Variants in EYA3 observed in about 807,000 individuals in gnomAD.
The protein encoded by EYA3 is EYA transcriptional coactivator and phosphatase 3.
Under a neutral mutation model 80.0 loss-of-function variants are expected in EYA3, and 39 were observed. That is an observed-to-expected ratio of 0.49 (90% CI 0.38 to 0.64). The LOEUF (loss-of-function observed/expected upper bound fraction) is 0.64. Ranked by LOEUF, EYA3 falls within the 30% of genes least tolerant of loss-of-function variation. The pLI is 0.00. For synonymous variants in EYA3, 206 were observed against 232.8 expected, an observed-to-expected ratio of 0.88 and a Z score of 1.05; for missense variants, 523 against 676.1, an observed-to-expected ratio of 0.77 and a Z score of 2.51.
chr1:28,067,468 T>C (rs967986784), intron 1 of EYA3, among the ~76,000 whole-genome samples: 10 of 152,200 alleles, frequency 6.6e-5, no homozygotes, highest in Non-Finnish European at 1.3e-4. Context: ...TAAATGCTTA[T>C]ATAAAAAATG....
At chr1:27,985,475 C>T (rs914079609) in intron 16 of EYA3, among the ~76,000 whole-genome samples, 2 of 152,156 alleles carry the variant, frequency 1.3e-5, no homozygotes, top group African/African-American at 4.8e-5. Context: ...CCTCCTGCCT[C>T]ACAGGTCAAT....
At position 27,972,154 on chromosome 1, in the gene EYA3, A is replaced by G. The variant is rs1190808588; in HGVS notation, c.*2312T>C. 1.3e-5 allele frequency: 2 copies of G among 152,252 alleles called. No homozygotes were observed. The highest frequency in any genetic ancestry group is 1.5e-5 in the Non-Finnish European group (1 of 68,068). 9.4% of individuals were successfully genotyped at this position (152,252 alleles called of 1,614,324 possible). A position where few individuals can be genotyped will look rare whatever the true frequency, so the allele number is the denominator to read the frequency against. On this transcript the variant is annotated 3_prime_UTR_variant, in exon 18 of 18. Coordinates refer to ENST00000373871, the MANE Select transcript of EYA3 (RefSeq NM_001990.4). ...ACCACTCCGCAGCCTCACAAACCTG[A>G]AGCGCAGCACAACAGCCGTGGCCTT...
At position 28,013,113 on chromosome 1, in the gene EYA3, G is replaced by C; in HGVS notation, c.767C>G (p.Ser256Cys). The C allele has an allele frequency of 6.2e-7, 1 of 1,611,498 alleles. No individual in the cohort carries two copies. Among genetic ancestry groups the C allele is most frequent in the Non-Finnish European group, 8.5e-7 (1 of 1,179,270 alleles). The change falls in exon 9 of 18, where the codon TCT becomes TGT. Residue 256 changes from serine to cysteine, a missense_variant and splice_region_variant. Ser to Cys is a moderately radical substitution (Grantham distance 112). Transcript: ENST00000373871. The surrounding 1 kb of genome is among the most constrained non-coding windows in gnomAD (Gnocchi z 4.0). ...APAPAAQRLS[S>C]GDPSTSPSLS... ...GTTTTCAGAGCTGCGGTGCTTACCA[G>C]AGGAAAGTCTCTGTGCTGCAGGTGC...
chr1:28,026,477 G>A (rs186726620), intron 7 of EYA3, among the ~76,000 whole-genome samples: 1 of 152,268 alleles, frequency 6.6e-6, no homozygotes, highest in East Asian at 1.9e-4. Flanking sequence ...CATTAGCTGG[G>A]TGTGGTGGTG....
intron 1 of EYA3, among the ~76,000 whole-genome samples, chr1:28,079,889 C>T (rs1313829595): frequency 6.6e-6 from 1 of 151,682 alleles, no homozygotes; most frequent in African/African-American, 2.4e-5. Flanking sequence ...TTCAGCCTCC[C>T]AAAGTGCTGG....
At chr1:28,008,436 C>G (rs1641452571) in intron 10 of EYA3, among the ~76,000 whole-genome samples, 1 of 151,574 alleles carries the variant, frequency 6.6e-6, no homozygotes, top group Non-Finnish European at 1.5e-5. Flanking sequence ...ACCAAAAGCA[C>G]AGCAATAATA....
chr1:28,040,094 G>A (rs1643691909), intron 4 of EYA3, among the ~76,000 whole-genome samples: 4 of 152,050 alleles, frequency 2.6e-5, no homozygotes, highest in Admixed American at 6.6e-5. Context: ...CAGTACTTGG[G>A]AACCACAAAA....
At chr1:28,024,788 C>T (rs138590749) in intron 7 of EYA3, among the ~76,000 whole-genome samples, 1 of 152,076 alleles carries the variant, frequency 6.6e-6, no homozygotes, top group Non-Finnish European at 1.5e-5. Flanking sequence ...TCACAAGATA[C>T]TCTAGGAAAA....
chr1:27,987,669 C>T (rs1057403259), intron 16 of EYA3, among the ~76,000 whole-genome samples: 21 of 152,140 alleles, frequency 1.4e-4, no homozygotes, highest in African/African-American at 4.3e-4. Flanking sequence ...TCCAATTTCT[C>T]CACATCCTTG....
chr1:28,010,707 C>T (rs1641632378), intron 10 of EYA3: 3 of 453,070 alleles, frequency 6.6e-6, no homozygotes, highest in Admixed American at 3.9e-5. Context: ...TATGACTTTA[C>T]TTGTAACTCC....
At position 27,974,316 on chromosome 1, in the gene EYA3, A is replaced by AGAGAGG; in HGVS notation, c.*144_*149dup. On this transcript the variant is annotated 3_prime_UTR_variant, in exon 18 of 18. Transcript: ENST00000373871. The stretch of plus-strand genomic sequence containing the variant: ...GAGGGAGAGAGGAAGGGAGGGAGGG[A>AGAGAGG]GAGAGGGAGAGAGAGAAAGAGAGAA... 1 of 487,458 alleles carries AGAGAGG rather than the reference A, an allele frequency of 2.1e-6. No individual in the cohort carries two copies. Among genetic ancestry groups the AGAGAGG allele is most frequent in the East Asian group, 3.2e-5 (1 of 30,950 alleles). The allele number at this position is 487,458 out of a possible 1,614,324, so 30.2% of individuals were successfully genotyped here. A position where few individuals can be genotyped will look rare whatever the true frequency, so the allele number is the denominator to read the frequency against.
chr1:27,982,237 A>T lies in EYA3; in HGVS notation c.1541-3763T>A, dbSNP rs530506360. On this transcript the variant is annotated intron_variant, in intron 16 of 17. Coordinates refer to ENST00000373871, the MANE Select transcript of EYA3 (RefSeq NM_001990.4). ...GGTCTTGAACTCCTGAGCTCAGGCA[A>T]TCCACCTGCCTCGGCCTCCCAAAGT... 4.6e-5 allele frequency among the ~76,000 whole-genome samples: 7 copies of T among 152,018 alleles called. No individual in the cohort carries two copies. In the South Asian group the frequency reaches 1.5e-3, roughly 32 times the overall value.
intron 11 of EYA3, among the ~76,000 whole-genome samples, chr1:28,001,877 T>G (rs1640880202): frequency 6.6e-6 from 1 of 150,392 alleles, no homozygotes; most frequent in African/African-American, 2.4e-5. Flanking sequence ...ATTACAGGCA[T>G]GTGCCACCAT....
intron 1 of EYA3, among the ~76,000 whole-genome samples, chr1:28,058,906 A>T (rs376606235): frequency 2.4e-4 from 36 of 152,346 alleles, no homozygotes; most frequent in South Asian, 6.2e-4. Flanking sequence ...TAAAAATGAA[A>T]TACTCCATTT....
intron 1 of EYA3, among the ~76,000 whole-genome samples, chr1:28,059,538 T>G (rs1644545182): frequency 2.0e-5 from 3 of 152,176 alleles, no homozygotes; most frequent in Middle Eastern, 3.2e-3. Flanking sequence ...CATTTTTGGT[T>G]TTACTAGTTT....
intron 1 of EYA3, among the ~76,000 whole-genome samples, chr1:28,070,715 C>T (rs1644992370): frequency 6.6e-6 from 1 of 152,118 alleles, no homozygotes; most frequent in East Asian, 1.9e-4. Flanking sequence ...GAAAGTGTTA[C>T]ATAATTCCAA....
At chr1:28,053,502 C>A (rs927420019) in intron 2 of EYA3, among the ~76,000 whole-genome samples, 2 of 152,060 alleles carry the variant, frequency 1.3e-5, no homozygotes, top group Non-Finnish European at 2.9e-5. Flanking sequence ...TCAGAATATC[C>A]AGGCTCAAGG....
chr1:28,088,307 G>C (rs1026287481), intron 1 of EYA3, among the ~76,000 whole-genome samples: 2 of 152,148 alleles, frequency 1.3e-5, no homozygotes, highest in East Asian at 1.9e-4. Flanking sequence ...GAAAAACAGC[G>C]AGGCGACAGA....
intron 7 of EYA3, among the ~76,000 whole-genome samples, chr1:28,018,983 T>G (rs1642250038): frequency 6.6e-6 from 1 of 152,052 alleles, no homozygotes; most frequent in Non-Finnish European, 1.5e-5. Flanking sequence ...CTAGCCAACA[T>G]GATGAAACCC....
Sources: gnomAD v4.1 joint callset for allele counts (sites outside exome capture counted in the v4.1 genomes callset) on GRCh38, gnomAD v4.1.1 for gene constraint, Gnocchi (gnomAD v3.1) non-coding constraint, MANE v1.5 for transcripts, NCBI Gene and HGNC (gene_info 2026-07-23, HGNC 2026-07-21) for gene names.